HDAC9: variants seen among roughly 807,000 people sequenced by gnomAD.
The protein encoded by HDAC9 is MEF-2 interacting transcription repressor (MITR) protein.
In HDAC9, 41 loss-of-function variants were observed where a neutral mutation model predicts 139.4. The observed-to-expected ratio is 0.29, with a 90% CI of 0.23 to 0.38. The LOEUF is 0.38. Ranked by LOEUF, HDAC9 falls within the 10% of genes least tolerant of loss-of-function variation. The pLI, the probability that HDAC9 is intolerant of heterozygous loss-of-function variation, is 1.00. For missense variants in HDAC9, 1,147 were observed against 1,297.0 expected (o/e 0.88, Z 1.78); for synonymous variants, 517 against 476.2 (o/e 1.09, Z -1.12).
intron 11 of HDAC9, among the ~76,000 whole-genome samples, chr7:18,659,058 G>A (rs1792282789): frequency 6.6e-6 from 1 of 152,036 alleles, no homozygotes; most frequent in African/African-American, 2.4e-5. Flanking sequence ...GTATTTAATG[G>A]TATGTTGACA....
intron 25 of HDAC9, among the ~76,000 whole-genome samples, chr7:18,984,992 C>A (rs1031805180): frequency 6.6e-6 from 1 of 152,116 alleles, no homozygotes; most frequent in African/African-American, 2.4e-5. Flanking sequence ...CCCAATCACA[C>A]ATTTAGGTGT....
chr7:18,148,797 G>A (rs1236466017), intron 1 of HDAC9, among the ~76,000 whole-genome samples: 3 of 152,094 alleles, frequency 2.0e-5, no homozygotes, highest in Non-Finnish European at 4.4e-5. Context: ...TGAATGCGTT[G>A]GGCCATTCTG....
At chr7:18,232,686 T>G (rs1793543487) in intron 2 of HDAC9, among the ~76,000 whole-genome samples, 1 of 152,224 alleles carries the variant, frequency 6.6e-6, no homozygotes, top group Non-Finnish European at 1.5e-5. Context: ...AAATATAGCA[T>G]ATTACACAAA....
chr7:18,890,168 A>G (rs888998925), intron 22 of HDAC9, among the ~76,000 whole-genome samples: 2 of 152,224 alleles, frequency 1.3e-5, no homozygotes, highest in African/African-American at 4.8e-5. Context: ...AGCACTCAAC[A>G]AATGTTAGCC....
chr7:18,653,430 T>C (rs964351548), intron 11 of HDAC9, among the ~76,000 whole-genome samples: 1 of 152,282 alleles, frequency 6.6e-6, no homozygotes, highest in Non-Finnish European at 1.5e-5. Context: ...CTTTCTTCCT[T>C]TCTTATATGC....
At chr7:18,942,062 C>T (rs373619334) in intron 23 of HDAC9, among the ~76,000 whole-genome samples, 10 of 151,978 alleles carry the variant, frequency 6.6e-5, no homozygotes, top group African/African-American at 2.4e-4. Context: ...AGTTCTTTGC[C>T]ATGGTGAAAC....
intron 2 of HDAC9, among the ~76,000 whole-genome samples, chr7:18,210,416 A>G (rs1286281493): frequency 1.3e-5 from 2 of 152,226 alleles, no homozygotes; most frequent in Non-Finnish European, 2.9e-5. Context: ...CAGACAATGT[A>G]GAATAAATCA....
intron 22 of HDAC9, among the ~76,000 whole-genome samples, chr7:18,932,644 A>G (rs1391127616): frequency 6.6e-6 from 1 of 152,124 alleles, no homozygotes; most frequent in African/African-American, 2.4e-5. Flanking sequence ...AAAGAATGAC[A>G]AATGGCCAAC....
intron 1 of HDAC9, among the ~76,000 whole-genome samples, chr7:18,356,853 A>G (rs73056510): frequency 0.029 from 4,492 of 152,280 alleles, 109 homozygotes; most frequent in Non-Finnish European, 0.048. Context: ...TTTAAAATCT[A>G]TAAGAATTTT....
At chr7:18,914,307 T>C (rs1178998488) in intron 22 of HDAC9, among the ~76,000 whole-genome samples, 1 of 151,712 alleles carries the variant, frequency 6.6e-6, no homozygotes, top group Non-Finnish European at 1.5e-5. Flanking sequence ...GGTATTTTGT[T>C]ACAGCAGCCC....
chr7:18,954,478 A>G (rs1001769801), intron 24 of HDAC9, among the ~76,000 whole-genome samples: 2 of 151,236 alleles, frequency 1.3e-5, no homozygotes, highest in African/African-American at 4.9e-5. Context: ...TTTTACCATT[A>G]TGATCACTAA....
chr7:18,796,235 T>C (rs943498225), intron 17 of HDAC9, among the ~76,000 whole-genome samples: 2 of 152,270 alleles, frequency 1.3e-5, no homozygotes, highest in East Asian at 1.9e-4. Flanking sequence ...TCACAGAGGA[T>C]GAGGACCTAA....
intron 24 of HDAC9, among the ~76,000 whole-genome samples, chr7:18,958,624 T>G (rs1455891702): frequency 6.6e-6 from 1 of 152,204 alleles, no homozygotes; most frequent in Non-Finnish European, 1.5e-5. Flanking sequence ...TGTTTTTAAT[T>G]GCCGTATCTT....
chr7:18,495,697 TG>T, upstream of HDAC9: 1 of 973,418 alleles, frequency 1.0e-6, no homozygotes, highest in Non-Finnish European at 1.2e-6. Context: ...CATATGCAAA[TG>T]GATTATCACT....
At chr7:18,936,934 T>C (rs1253144472) in intron 23 of HDAC9, among the ~76,000 whole-genome samples, 6 of 152,218 alleles carry the variant, frequency 3.9e-5, no homozygotes, top group Non-Finnish European at 5.9e-5. Context: ...TATGATTATT[T>C]TTCATATATA....
At chr7:18,662,715 G>C (rs573002971) in intron 11 of HDAC9, among the ~76,000 whole-genome samples, 18 of 152,170 alleles carry the variant, frequency 1.2e-4, no homozygotes, top group African/African-American at 4.1e-4. Flanking sequence ...TATCAGCAGG[G>C]AGTGAGGAAA....
At chr7:18,282,247 A>G (rs1429982357) in intron 2 of HDAC9, among the ~76,000 whole-genome samples, 2 of 152,234 alleles carry the variant, frequency 1.3e-5, no homozygotes, top group Non-Finnish European at 2.9e-5. Context: ...CCTATATATA[A>G]TAAACCTTAT....
chr7:18,726,017 T>C (rs761397430), intron 12 of HDAC9, among the ~76,000 whole-genome samples: 1 of 152,214 alleles, frequency 6.6e-6, no homozygotes, highest in Non-Finnish European at 1.5e-5. Context: ...AGTAACAACA[T>C]ACACATTAGT....
rs575618871 is a variant in HDAC9 at position 18,189,409 on chromosome 7, A to G, written c.25+27060A>G. Among the ~76,000 whole-genome samples the G allele has an allele frequency of 3.3e-5, 5 of 152,304 alleles. No individual in the cohort carries two copies. In the South Asian group the frequency reaches 8.3e-4, roughly 25 times the overall value. ...TAGGTGCAGCAAACCACCATGGCAC[A>G]TATATACCTATGTGACAAACCTGCA... On this transcript the variant is annotated intron_variant, in intron 2 of 12. Transcript: ENST00000417496.
Sources: allele counts gnomAD v4.1 joint callset (sites outside exome capture counted in the v4.1 genomes callset), GRCh38; gene constraint gnomAD v4.1.1; transcripts MANE v1.5; gene names NCBI Gene and HGNC (gene_info 2026-07-23, HGNC 2026-07-21).